DACH2: variants seen among roughly 807,000 people sequenced by gnomAD.
DACH2 encodes the protein dachshund family transcription factor 2.
DACH2 carries 17 observed loss-of-function variants against 35.8 expected under a neutral mutation model. That is an observed-to-expected ratio of 0.48 (90% CI 0.33 to 0.71). The LOEUF is 0.71. DACH2 is among the 30% of genes least tolerant of loss of function. DACH2 has a pLI of 0.02. For missense variants in DACH2, 469 were observed against 472.7 expected, an observed-to-expected ratio of 0.99 and a Z score of 0.07; for synonymous variants, 195 against 177.3, an observed-to-expected ratio of 1.10 and a Z score of -0.79.
intron 1 of DACH2, among the ~76,000 whole-genome samples, chrX:86,263,199 A>T (rs1467957251): frequency 8.9e-6 from 1 of 112,052 alleles, no homozygotes; most frequent in Non-Finnish European, 1.9e-5. Flanking sequence ...GGAGGATTAA[A>T]TATAATATAT....
intron 5 of DACH2, among the ~76,000 whole-genome samples, chrX:86,712,453 T>G (rs182960128): frequency 9.0e-5 from 10 of 110,873 alleles, no homozygotes; most frequent in African/African-American, 2.6e-4. Context: ...TTCTCCAGAA[T>G]GACAAGTGTT....
Position 86,289,042 on chromosome X carries a change from G to C in DACH2, c.489-87782G>C, listed in dbSNP as rs770342071. On this transcript the variant is annotated intron_variant, in intron 1 of 11. Coordinates refer to ENST00000373125, the MANE Select transcript of DACH2 (RefSeq NM_053281.3). Reference sequence around the variant, plus strand: ...TCAGTGTCTCACAGCCCTTGATGTAGTATCTGGGTATCACTGCTGGTTATT... The same window carrying C: ...TCAGTGTCTCACAGCCCTTGATGTACTATCTGGGTATCACTGCTGGTTATT... 7.2e-5 allele frequency among the ~76,000 whole-genome samples: 8 copies of C among 110,487 alleles called. No homozygotes were observed. In the East Asian group the frequency reaches 1.7e-3, roughly 24 times the overall value.
At chrX:86,349,818 A>G (rs1414963785) in intron 1 of DACH2, among the ~76,000 whole-genome samples, 1 of 111,344 alleles carries the variant, frequency 9.0e-6, no homozygotes, top group East Asian at 2.8e-4. Context: ...TAATGCATCT[A>G]ATGCCTCACA....
intron 2 of DACH2, among the ~76,000 whole-genome samples, chrX:86,425,638 A>G: frequency 9.1e-6 from 1 of 110,178 alleles, no homozygotes; most frequent in South Asian, 3.8e-4. Context: ...TTTTTGTTTC[A>G]TGGATTTTTT....
chrX:86,415,115 ACTT>A (rs991575410), intron 2 of DACH2, among the ~76,000 whole-genome samples: 5 of 112,015 alleles, frequency 4.5e-5, no homozygotes, highest in Non-Finnish European at 9.4e-5. Flanking sequence ...AAGATGATAT[ACTT>A]CTTCTTGTTT....
At chrX:86,655,616 G>T (rs2040529859) in intron 4 of DACH2, among the ~76,000 whole-genome samples, 1 of 110,933 alleles carries the variant, frequency 9.0e-6, no homozygotes, top group Non-Finnish European at 1.9e-5. Flanking sequence ...ATATATATTA[G>T]GCTCCACAAT....
At chrX:86,533,187 C>A (rs1343663235) in intron 3 of DACH2, among the ~76,000 whole-genome samples, 1 of 111,203 alleles carries the variant, frequency 9.0e-6, no homozygotes, top group Non-Finnish European at 1.9e-5. Context: ...TTAGCTAGCA[C>A]TATGGGAATG....
At chrX:86,752,175 C>T (rs755608472) in intron 7 of DACH2, among the ~76,000 whole-genome samples, 2 of 111,416 alleles carry the variant, frequency 1.8e-5, no homozygotes, top group South Asian at 7.6e-4. Context: ...ACTCATGTAA[C>T]AAACCTATAC....
chrX:86,552,853 A>G (rs981559162), intron 3 of DACH2, among the ~76,000 whole-genome samples: 1 of 111,112 alleles, frequency 9.0e-6, no homozygotes, highest in African/African-American at 3.3e-5. Flanking sequence ...AATGTTCCCA[A>G]TATAGTGGTG....
Position 86,780,822 on chromosome X carries a change from C to T in DACH2, c.1241-32034C>T, listed in dbSNP as rs756254295. Among the ~76,000 whole-genome samples the T allele has an allele frequency of 1.3e-4, 14 of 111,419 alleles. No individual in the cohort carries two copies. The South Asian group carries it at 4.6e-3, about 36-fold the overall frequency. On this transcript the variant is annotated intron_variant, in intron 7 of 11. Coordinates refer to ENST00000373125, the MANE Select transcript of DACH2 (RefSeq NM_053281.3). The stretch of plus-strand genomic sequence containing the variant: ...AGAAGCAAACAGGCTTGTTGGGGAT[C>T]GCTCCTGAGGAGAATCAACATTATC...
At chrX:86,739,512 C>A (rs888083811) in intron 6 of DACH2, among the ~76,000 whole-genome samples, 6 of 111,842 alleles carry the variant, frequency 5.4e-5, no homozygotes, top group Admixed American at 9.5e-5. Context: ...CTTTTCTTGA[C>A]CCTTTACTAT....
rs185017379 is a variant in DACH2, at chrX:86,815,682, T to A, written c.1685-352T>A. Among the ~76,000 whole-genome samples, 22 of 106,657 alleles carry A rather than the reference T, an allele frequency of 2.1e-4. No individual in the cohort carries two copies. In the East Asian group the frequency reaches 5.5e-3, roughly 27 times the overall value. 92.6% of individuals were successfully genotyped at this position (106,657 alleles called of 115,157 possible). On this transcript the variant is annotated intron_variant, in intron 10 of 11. Transcript: ENST00000373125. ...GATTATATATATATCATAAATATTA[T>A]CAATCACATCTTACAAAGGGAACAT...
chrX:86,607,447 T>C (rs2039872898), intron 3 of DACH2, among the ~76,000 whole-genome samples: 1 of 111,573 alleles, frequency 9.0e-6, no homozygotes, highest in Admixed American at 9.5e-5. Flanking sequence ...ACCATTTGCA[T>C]AAATAAAGAA....
chrX:86,401,327 C>T lies in DACH2; in HGVS notation c.527+24465C>T, dbSNP rs961282307. 3.4e-4 allele frequency among the ~76,000 whole-genome samples: 38 copies of T among 112,268 alleles called. No individual in the cohort carries two copies. In the Admixed American group the frequency reaches 3.4e-3, roughly 10 times the overall value. ...GAATTCCACGACCCCTTGCACTTCC[C>T]GGGTGAGGTGATGCCTTGCCCTGCT... On this transcript the variant is annotated intron_variant, in intron 2 of 11. Coordinates refer to ENST00000373125, the MANE Select transcript of DACH2 (RefSeq NM_053281.3).
chrX:86,316,980 T>C (rs1246389731), intron 1 of DACH2, among the ~76,000 whole-genome samples: 3 of 109,028 alleles, frequency 2.8e-5, no homozygotes, highest in African/African-American at 1.0e-4. Context: ...TAGCAGAGTG[T>C]TGTGGTGGGT....
chrX:86,207,532 T>C (rs2032342933), intron 1 of DACH2, among the ~76,000 whole-genome samples: 1 of 110,820 alleles, frequency 9.0e-6, no homozygotes, highest in Non-Finnish European at 1.9e-5. Context: ...CCCATAAATA[T>C]AAACAATCTA....
At chrX:86,513,182 T>G (rs766972262) in intron 2 of DACH2, among the ~76,000 whole-genome samples, 3 of 111,858 alleles carry the variant, frequency 2.7e-5, no homozygotes, top group Admixed American at 1.9e-4. Flanking sequence ...TTAAATTTCT[T>G]TGTAAACCAA....
chrX:86,652,565 C>T (rs1374675722), intron 4 of DACH2, among the ~76,000 whole-genome samples: 1 of 112,136 alleles, frequency 8.9e-6, no homozygotes, highest in Non-Finnish European at 1.9e-5. Flanking sequence ...CTTCCATCAG[C>T]AATGTATAAA....
chrX:86,790,105 A>G (rs1487760398), intron 7 of DACH2, among the ~76,000 whole-genome samples: 1 of 112,080 alleles, frequency 8.9e-6, no homozygotes, highest in East Asian at 2.8e-4. Context: ...CTTGACTATC[A>G]TACACATGTA....
Sources: allele counts gnomAD v4.1 joint callset (sites outside exome capture counted in the v4.1 genomes callset), GRCh38; gene constraint gnomAD v4.1.1; transcripts MANE v1.5; gene names NCBI Gene and HGNC (gene_info 2026-07-23, HGNC 2026-07-21).